DPYD: variants seen among roughly 807,000 people sequenced by gnomAD.
DPYD encodes dihydropyrimidine dehydrogenase.
Under a neutral mutation model 116.2 loss-of-function variants are expected in DPYD, and 109 were observed. That is an observed-to-expected ratio of 0.94 (90% CI 0.80 to 1.10). DPYD has a LOEUF of 1.10. Among genes scored for constraint, DPYD ranks in the 50% least tolerant of loss-of-function variants. DPYD has a pLI of 0.00. For missense variants in DPYD, 1,302 were observed against 1,254.5 expected (o/e 1.04, Z -0.57); for synonymous variants, 440 against 432.0 (o/e 1.02, Z -0.23).
chr1:97,881,422 T>C (rs1018910751), intron 2 of DPYD, among the ~76,000 whole-genome samples: 2 of 151,976 alleles, frequency 1.3e-5, no homozygotes, highest in South Asian at 2.1e-4. Context: ...TGTGGTATCT[T>C]CTTGTAGCAT....
At position 97,095,189 on chromosome 1, in the gene DPYD, C is replaced by CT. The variant is rs1268943022; in HGVS notation, c.2766+3299dup. 2.0e-5 allele frequency among the ~76,000 whole-genome samples: 3 copies of CT among 152,034 alleles called. No homozygotes were observed. The South Asian group carries it at 6.2e-4, about 32-fold the overall frequency. On this transcript the variant is annotated intron_variant, in intron 21 of 22. Coordinates refer to ENST00000370192, the MANE Select transcript of DPYD (RefSeq NM_000110.4). ...ACAAATAATTACTTACGGCATAAAA[C>CT]TTTTTTCTAGAGATTGACCATCCTT... is the stretch of plus-strand genomic sequence containing the variant.
Position 97,330,330 on chromosome 1 carries a change from A to G in DPYD, c.2059-24033T>C, listed in dbSNP as rs574222679. ...TAACTGTTGTTTAATTAATATCCAA[A>G]CTTGCATAATAACTAAAGTATGTGA... is the stretch of plus-strand genomic sequence containing the variant. On this transcript the variant is annotated intron_variant, in intron 16 of 22. Coordinates refer to ENST00000370192, the MANE Select transcript of DPYD (RefSeq NM_000110.4). 1.1e-4 allele frequency among the ~76,000 whole-genome samples: 17 copies of G among 152,280 alleles called. No individual in the cohort carries two copies. The East Asian group carries it at 3.3e-3, about 29-fold the overall frequency.
intron 3 of DPYD, among the ~76,000 whole-genome samples, chr1:97,790,223 G>A (rs112241227): frequency 7.9e-5 from 12 of 152,116 alleles, no homozygotes; most frequent in African/African-American, 2.9e-4. Context: ...TCTTAAAGTT[G>A]GCCTAGGTTC....
At chr1:97,437,609 T>C (rs1675541485) in intron 14 of DPYD, among the ~76,000 whole-genome samples, 1 of 151,928 alleles carries the variant, frequency 6.6e-6, no homozygotes, top group Non-Finnish European at 1.5e-5. Context: ...TGGGTATATG[T>C]TTAAATTTCT....
intron 18 of DPYD, among the ~76,000 whole-genome samples, chr1:97,296,646 A>AT (rs1283334716): frequency 6.6e-6 from 1 of 152,122 alleles, no homozygotes; most frequent in African/African-American, 2.4e-5. Context: ...ATCATTTATC[A>AT]TTTAAAGACT....
intron 10 of DPYD, among the ~76,000 whole-genome samples, chr1:97,581,088 G>C (rs1001089354): frequency 1.3e-5 from 2 of 151,824 alleles, no homozygotes; most frequent in African/African-American, 4.8e-5. Context: ...GGCAGATCAC[G>C]AGGTCTGGAG....
intron 9 of DPYD, 33 bp from the exon 10 acceptor site, chr1:97,593,420 T>C: frequency 6.2e-7 from 1 of 1,612,740 alleles, no homozygotes; most frequent in South Asian, 1.1e-5. Flanking sequence ...CATTTTCAAG[T>C]AGAGAAACCA....
chr1:97,806,619 A>G (rs191044443), intron 3 of DPYD, among the ~76,000 whole-genome samples: 1 of 152,094 alleles, frequency 6.6e-6, no homozygotes, highest in Admixed American at 6.6e-5. Context: ...AACATTCTGA[A>G]TCAGAGTACT....
intron 8 of DPYD, among the ~76,000 whole-genome samples, chr1:97,609,848 G>C (rs1655824381): frequency 6.6e-6 from 1 of 151,916 alleles, no homozygotes; most frequent in Admixed American, 6.6e-5. Flanking sequence ...TTAAAGATTA[G>C]TAGGTAATTA....
intron 2 of DPYD, among the ~76,000 whole-genome samples, chr1:97,865,317 T>C (rs566206284): frequency 6.6e-6 from 1 of 152,088 alleles, no homozygotes; most frequent in East Asian, 1.9e-4. Context: ...TTCTATATAC[T>C]CTGTGCTTGT....
At chr1:97,495,871 C>T (rs1203969116) in intron 13 of DPYD, among the ~76,000 whole-genome samples, 3 of 152,170 alleles carry the variant, frequency 2.0e-5, no homozygotes, top group East Asian at 1.9e-4. Flanking sequence ...GTACCTATAT[C>T]ACATCTGAAA....
chr1:97,306,052 G>T, intron 17 of DPYD, 125 bp downstream of exon 17: 1 of 1,499,326 alleles, frequency 6.7e-7, no homozygotes, highest in South Asian at 1.1e-5. Context: ...GTGCTCAACT[G>T]GAAACTTTTA....
At chr1:97,508,926 T>C (rs759970786) in intron 13 of DPYD, among the ~76,000 whole-genome samples, 2 of 151,954 alleles carry the variant, frequency 1.3e-5, no homozygotes, top group Non-Finnish European at 2.9e-5. Context: ...GCCTTTTTTG[T>C]AGCACTGACA....
chr1:97,670,205 A>G (rs1355717356), intron 8 of DPYD, among the ~76,000 whole-genome samples: 2 of 152,204 alleles, frequency 1.3e-5, no homozygotes, highest in Admixed American at 6.6e-5. Flanking sequence ...ATCCTTCAAC[A>G]TCAATATTCT....
chr1:97,310,141 A>G (rs1207565005), intron 16 of DPYD, among the ~76,000 whole-genome samples: 1 of 151,854 alleles, frequency 6.6e-6, no homozygotes, highest in Non-Finnish European at 1.5e-5. Flanking sequence ...TGGCTTTCTT[A>G]GAATCTGGCA....
At chr1:97,146,415 A>G (rs1250462078) in intron 20 of DPYD, among the ~76,000 whole-genome samples, 1 of 152,154 alleles carries the variant, frequency 6.6e-6, no homozygotes, top group East Asian at 1.9e-4. Flanking sequence ...GATCATCCCA[A>G]CCATAAGCTC....
At chr1:97,143,423 G>C (rs533581026) in intron 20 of DPYD, among the ~76,000 whole-genome samples, 1 of 152,026 alleles carries the variant, frequency 6.6e-6, no homozygotes, top group Non-Finnish European at 1.5e-5. Context: ...AAAATGACTT[G>C]ATAACCACTA....
intron 13 of DPYD, among the ~76,000 whole-genome samples, chr1:97,510,897 C>T (rs1647742451): frequency 6.6e-6 from 1 of 151,864 alleles, no homozygotes; most frequent in Non-Finnish European, 1.5e-5. Context: ...AACCAGCCAC[C>T]TTGATAAGAC....
intron 22 of DPYD, among the ~76,000 whole-genome samples, chr1:97,079,497 T>C (rs1272355017): frequency 1.3e-5 from 2 of 152,116 alleles, no homozygotes; most frequent in Admixed American, 6.6e-5. Context: ...CCTGTGGATT[T>C]TGGGGGACTT....
Sources: allele counts gnomAD v4.1 joint callset (sites outside exome capture counted in the v4.1 genomes callset), GRCh38; gene constraint gnomAD v4.1.1; transcripts MANE v1.5; gene names NCBI Gene and HGNC (gene_info 2026-07-23, HGNC 2026-07-21).